GALNTL6: variants seen among roughly 807,000 people sequenced by gnomAD.
GALNTL6 encodes the protein polypeptide N-acetylgalactosaminyltransferase like 6, also known as polypeptide N-acetylgalactosaminyltransferase-like 6.
GALNTL6 carries 46 observed loss-of-function variants against 73.7 expected under a neutral mutation model. The observed-to-expected ratio is 0.62, with a 90% CI of 0.49 to 0.80. The LOEUF is 0.80. GALNTL6 is among the 30% of genes least tolerant of loss of function. The probability of loss-of-function intolerance (pLI) is 0.00; values close to 1 mark genes in which losing one functional copy is unlikely to be tolerated. For synonymous variants in GALNTL6, 259 were observed against 263.7 expected (o/e 0.98, Z 0.17); for missense variants, 604 against 755.0 (o/e 0.80, Z 2.34).
At chr4:172,095,666 A>C (rs1422524806) in intron 2 of GALNTL6, among the ~76,000 whole-genome samples, 1 of 151,844 alleles carries the variant, frequency 6.6e-6, no homozygotes, top group Non-Finnish European at 1.5e-5. Context: ...AGAGCATAGA[A>C]TAATGGCTTT....
intron 2 of GALNTL6, among the ~76,000 whole-genome samples, chr4:171,925,615 T>C (rs1737951746): frequency 6.6e-6 from 1 of 152,234 alleles, no homozygotes; most frequent in South Asian, 2.1e-4. Flanking sequence ...ATTTATACCA[T>C]TTTAAGTGAC....
At chr4:172,225,086 G>T (rs1579275101) in intron 2 of GALNTL6, among the ~76,000 whole-genome samples, 2 of 152,182 alleles carry the variant, frequency 1.3e-5, no homozygotes, top group African/African-American at 4.8e-5. Context: ...TATGCCTCAA[G>T]AAGGTACAAT....
chr4:171,903,629 G>T (rs1578956378), intron 2 of GALNTL6, among the ~76,000 whole-genome samples: 1 of 141,112 alleles, frequency 7.1e-6, no homozygotes, highest in East Asian at 2.1e-4. Context: ...GCTCAAACTG[G>T]GTGGAGCCCA....
At position 172,652,595 on chromosome 4, in the gene GALNTL6, G is replaced by A. The variant is rs900055666; in HGVS notation, c.554-156766G>A. The stretch of plus-strand genomic sequence containing the variant: ...GCAAGAATTCTTTACATTTGTTTAA[G>A]AACAGACTCTATCCCCAGGGCATGA... On this transcript the variant is annotated intron_variant, in intron 5 of 12. Coordinates refer to ENST00000506823, the MANE Select transcript of GALNTL6 (RefSeq NM_001034845.3). 4.6e-5 allele frequency among the ~76,000 whole-genome samples: 7 copies of A among 152,114 alleles called. No individual in the cohort carries two copies. In the South Asian group the frequency reaches 8.3e-4, roughly 18 times the overall value.
In GALNTL6 at chr4:172,952,153, C is replaced by T. The variant is rs748918926; in HGVS notation, c.1266C>T (p.Arg422=). Residue 422 remains arginine, a synonymous_variant, in exon 10 of 13, where the codon CGC becomes CGT. Transcript: ENST00000506823. ...ACATCTCTGCCCAGAAGGAGCTGCG[C>T]AAGCAGCTCAAGTGCAAGGACTTCA... ...TGDISAQKEL[R]KQLKCKDFKW... is the part of the protein sequence containing the mutation. 3 of 1,613,328 alleles carry T rather than the reference C, an allele frequency of 1.9e-6. No homozygotes were observed. The highest frequency in any genetic ancestry group is 2.5e-6 in the Non-Finnish European group (3 of 1,179,286).
intron 3 of GALNTL6, among the ~76,000 whole-genome samples, chr4:172,276,090 A>T (rs182665560): frequency 6.6e-6 from 1 of 152,354 alleles, no homozygotes; most frequent in African/African-American, 2.4e-5. Flanking sequence ...AGCCTAAAAA[A>T]GTAAGACAAT....
chr4:172,141,127 G>C (rs1275785493), intron 2 of GALNTL6, among the ~76,000 whole-genome samples: 1 of 151,962 alleles, frequency 6.6e-6, no homozygotes, highest in South Asian at 2.1e-4. Context: ...GTGTTACTTT[G>C]ATGCCTTACA....
At chr4:172,275,865 G>T (rs1738811635) in intron 3 of GALNTL6, among the ~76,000 whole-genome samples, 1 of 152,142 alleles carries the variant, frequency 6.6e-6, no homozygotes, top group East Asian at 1.9e-4. Context: ...GCTGAGGCAG[G>T]AGAATCTCTT....
chr4:172,499,263 G>C (rs1304656370), intron 5 of GALNTL6, among the ~76,000 whole-genome samples: 2 of 152,142 alleles, frequency 1.3e-5, no homozygotes, highest in Non-Finnish European at 2.9e-5. Context: ...CAGTCATACA[G>C]ATGGAGCTCC....
chr4:172,669,597 A>AT (rs1731860540), intron 5 of GALNTL6, among the ~76,000 whole-genome samples: 1 of 152,158 alleles, frequency 6.6e-6, no homozygotes, highest in South Asian at 2.1e-4. Context: ...GAATTTTGGA[A>AT]TTTTTTTGTA....
chr4:172,097,960 T>C (rs17058054), intron 2 of GALNTL6, among the ~76,000 whole-genome samples: 57,994 of 151,726 alleles, frequency 0.38, 11,438 homozygotes, highest in African/African-American at 0.42. Flanking sequence ...CACAGAAAGC[T>C]GGAAGGTTTA....
intron 3 of GALNTL6, among the ~76,000 whole-genome samples, chr4:172,305,068 A>G (rs1272174803): frequency 2.0e-5 from 3 of 152,116 alleles, no homozygotes; most frequent in African/African-American, 7.2e-5. Context: ...GAATATTTCT[A>G]GCTGTTTGGA....
intron 5 of GALNTL6, among the ~76,000 whole-genome samples, chr4:172,483,977 G>T (rs1454271383): frequency 5.3e-5 from 8 of 152,172 alleles, no homozygotes. Flanking sequence ...AGCTCAGACA[G>T]CAGAGATGTG....
intron 5 of GALNTL6, among the ~76,000 whole-genome samples, chr4:172,606,564 TAC>T (rs34423475): frequency 1.5e-5 from 2 of 136,292 alleles, no homozygotes; most frequent in Admixed American, 7.5e-5. Context: ...TATATATATA[TAC>T]ATATACATAG....
At chr4:172,379,982 C>G (rs1743219232) in intron 5 of GALNTL6, 1 of 820,852 alleles carries the variant, frequency 1.2e-6, no homozygotes, top group Non-Finnish European at 2.1e-6. Context: ...AGAAAGAAGT[C>G]TTGGCAGAAC....
At chr4:172,449,156 A>C (rs1404385289) in intron 5 of GALNTL6, among the ~76,000 whole-genome samples, 1 of 152,086 alleles carries the variant, frequency 6.6e-6, no homozygotes, top group Non-Finnish European at 1.5e-5. Flanking sequence ...TTATCCCTCC[A>C]TTGGTCTTCA....
chr4:171,932,674 T>G (rs997314890), intron 2 of GALNTL6, among the ~76,000 whole-genome samples: 2 of 152,070 alleles, frequency 1.3e-5, no homozygotes, highest in African/African-American at 4.8e-5. Flanking sequence ...TTAAAATGAG[T>G]AGAGAAACCA....
intron 5 of GALNTL6, among the ~76,000 whole-genome samples, chr4:172,437,708 A>C (rs1731683672): frequency 6.6e-6 from 1 of 152,150 alleles, no homozygotes; most frequent in African/African-American, 2.4e-5. Context: ...ATCTCTGAAT[A>C]GCATGTAATA....
At chr4:172,914,199 G>A (rs1002024756) in intron 8 of GALNTL6, among the ~76,000 whole-genome samples, 8 of 152,140 alleles carry the variant, frequency 5.3e-5, no homozygotes, top group African/African-American at 1.2e-4. Context: ...AGCAAATGCC[G>A]AGAGATTTTG....
Sources: gnomAD v4.1 joint callset for allele counts (sites outside exome capture counted in the v4.1 genomes callset) on GRCh38, gnomAD v4.1.1 for gene constraint, MANE v1.5 for transcripts, NCBI Gene and HGNC (gene_info 2026-07-23, HGNC 2026-07-21) for gene names.